The following PADI4 variants were observed in gnomAD, a reference collection of about 807,000 sequenced individuals.
PADI4 encodes the protein protein-arginine deiminase type-4.
PADI4 carries 62 observed loss-of-function variants against 75.0 expected under a neutral mutation model. That is an observed-to-expected ratio of 0.83 (90% CI 0.67 to 1.02). PADI4 has a LOEUF of 1.02. Among genes scored for constraint, PADI4 ranks in the 50% least tolerant of loss-of-function variants. The probability of loss-of-function intolerance (pLI) is 0.00; values close to 1 mark genes in which losing one functional copy is unlikely to be tolerated. For missense variants in PADI4, 845 were observed against 850.5 expected (o/e 0.99, Z 0.08); for synonymous variants, 361 against 348.1 (o/e 1.04, Z -0.41).
In PADI4 at chr1:17,359,400, C is replaced by G. The variant is rs369858758; in HGVS notation, c.1750C>G (p.Pro584Ala). 2.5e-6 allele frequency: 4 copies of G among 1,613,998 alleles called. No homozygotes were observed. In the South Asian group the frequency reaches 3.3e-5, roughly 13 times the overall value. ...GTTCTCTAAGGCGGAAGCTTTTTTC[C>G]CCAACATGGTGAGGAGGTGGCGGCT... is the stretch of plus-strand genomic sequence containing the variant. ...KEFSKAEAFFPNMVNMLVLGK... is the reference protein window; with the variant it reads ...KEFSKAEAFFANMVNMLVLGK... Residue 584 changes from proline to alanine, a missense_variant, in exon 15 of 16, where the codon CCC (proline) becomes GCC (alanine). Pro to Ala is a conservative substitution (Grantham distance 27). Coordinates refer to ENST00000375448, the MANE Select transcript of PADI4 (RefSeq NM_012387.3).
At chr1:17,319,717 G>A (rs2074001431) in intron 1 of PADI4, among the ~76,000 whole-genome samples, 1 of 152,128 alleles carries the variant, frequency 6.6e-6, no homozygotes, top group South Asian at 2.1e-4. Context: ...CAATATTTAC[G>A]GACAGAAAAA....
intron 1 of PADI4, among the ~76,000 whole-genome samples, chr1:17,323,752 A>G (rs11203358): frequency 0.33 from 49,501 of 151,896 alleles, 8,184 homozygotes; most frequent in South Asian, 0.41. Flanking sequence ...AGGCTAGCTT[A>G]AGCCCAGGAG....
At position 17,346,907 on chromosome 1, in the gene PADI4, C is replaced by T. The variant is rs1407214148; in HGVS notation, c.1047+768C>T. Among the ~76,000 whole-genome samples, 4 of 152,018 alleles carry T rather than the reference C, an allele frequency of 2.6e-5. No individual in the cohort carries two copies. On this transcript the variant is annotated intron_variant, in intron 9 of 15. Coordinates refer to ENST00000375448, the MANE Select transcript of PADI4 (RefSeq NM_012387.3). This position sits in a 1 kb window ranked among gnomAD's most constrained non-coding sequence, Gnocchi z 4.3. ...GGAATTCATCCCTCTTTCTTTTCAC[C>T]CCCACACAACATCCTTTCTTCCTTT...
intron 11 of PADI4, among the ~76,000 whole-genome samples, chr1:17,355,688 C>A (rs879262334): frequency 6.6e-5 from 10 of 152,184 alleles, no homozygotes; most frequent in Admixed American, 6.5e-4. Context: ...TGGCTCTAAG[C>A]CCCATGTGTA....
At chr1:17,341,284 A>G (rs2100739028) in intron 6 of PADI4, among the ~76,000 whole-genome samples, 1 of 152,214 alleles carries the variant, frequency 6.6e-6, no homozygotes, top group Admixed American at 6.5e-5. Context: ...TGTTTTTAGT[A>G]GAGATGGGCT....
intron 11 of PADI4, 30 bp downstream of exon 11, chr1:17,354,717 C>T: frequency 6.4e-7 from 1 of 1,564,884 alleles, no homozygotes; most frequent in Non-Finnish European, 8.7e-7. Context: ...GAAGGGGTGG[C>T]CAGGACCCAG....
intron 13 of PADI4, among the ~76,000 whole-genome samples, chr1:17,357,196 T>C (rs534955697): frequency 6.6e-6 from 1 of 152,308 alleles, no homozygotes; most frequent in African/African-American, 2.4e-5. Context: ...GAAACGAAGT[T>C]TTCCTCTATT....
intron 10 of PADI4, among the ~76,000 whole-genome samples, chr1:17,352,118 G>GCAA (rs1557577223): frequency 1.2e-4 from 13 of 110,826 alleles, no homozygotes; most frequent in Non-Finnish European, 1.8e-4. Flanking sequence ...AGAGACTGTG[G>GCAA]TCAGAGAGGT....
At chr1:17,360,873 G>A (rs1283701967) in intron 15 of PADI4, among the ~76,000 whole-genome samples, 2 of 137,428 alleles carry the variant, frequency 1.5e-5, no homozygotes, top group African/African-American at 2.7e-5. Context: ...ACCTTCTGGA[G>A]GCTGCACTTG....
intron 1 of PADI4, among the ~76,000 whole-genome samples, chr1:17,323,850 C>G (rs1570002897): frequency 1.9e-5 from 2 of 105,402 alleles, no homozygotes; most frequent in South Asian, 6.0e-4. Flanking sequence ...AAACAAACAA[C>G]AACAACAACA....
rs193032163 is a variant in PADI4 at position 17,332,333 on chromosome 1, G to A, written c.273+1184G>A. Among the ~76,000 whole-genome samples the A allele has an allele frequency of 1.9e-3, 282 of 152,176 alleles. 2 individuals carry two copies. Among genetic ancestry groups the A allele is most frequent in the African/African-American group, 5.7e-3 (237 of 41,524 alleles). On this transcript the variant is annotated intron_variant, in intron 2 of 15. Transcript: ENST00000375448. ...GCAATCTCGGCTCACTGCAACCTCC[G>A]CCTCCTGGGTTCAAACGATTCTCCT...
rs767259225 is a variant in PADI4 at position 17,342,093 on chromosome 1, C to T, written c.803C>T (p.Thr268Ile). Residue 268 changes from threonine to isoleucine, a missense_variant, in exon 7 of 16, where the codon ACC becomes ATC. By Grantham distance (89) the Thr-to-Ile change is moderately conservative. Transcript: ENST00000375448. The stretch of plus-strand genomic sequence containing the variant: ...GACTTCCCGGGGCTCATTACCCTCA[C>T]CATCTCCCTGCTGGACACGTCCAAC... ...DTDFPGLITLTISLLDTSNLE... is the reference protein window; with the variant it reads ...DTDFPGLITLIISLLDTSNLE... 6.2e-7 allele frequency: 1 copy of T among 1,614,108 alleles called. No individual in the cohort carries two copies. Among genetic ancestry groups the T allele is most frequent in the Admixed American group, 1.7e-5 (1 of 60,026 alleles).
rs540611256 is a variant in PADI4, at chr1:17,316,215, G to A, written c.92+7901G>A. 5.3e-5 allele frequency among the ~76,000 whole-genome samples: 8 copies of A among 151,864 alleles called. 1 individual carries two copies. The highest frequency in any genetic ancestry group is 1.9e-4 in the East Asian group (1 of 5,164). ...TTGAGACCAGCCTGGTCAACATGGC[G>A]AAACCCCGTCTCTACTAAAAATACA... On this transcript the variant is annotated intron_variant, in intron 1 of 15. Coordinates refer to ENST00000375448, the MANE Select transcript of PADI4 (RefSeq NM_012387.3).
intron 10 of PADI4, among the ~76,000 whole-genome samples, chr1:17,352,135 AGGCAGTAGG>A (rs2074665051): frequency 7.1e-6 from 1 of 141,338 alleles, no homozygotes; most frequent in Non-Finnish European, 1.6e-5. Flanking sequence ...AGGTGATGGG[AGGCAGTAGG>A]AGAGGCAATC....
chr1:17,349,081 T>C (rs1222184983), intron 10 of PADI4, among the ~76,000 whole-genome samples: 1 of 152,120 alleles, frequency 6.6e-6, no homozygotes, highest in Non-Finnish European at 1.5e-5. Context: ...CGCTGAGCAG[T>C]GGAGATGCAG....
At chr1:17,344,456 CCA>C (rs1379599295) in intron 8 of PADI4, among the ~76,000 whole-genome samples, 10 of 152,208 alleles carry the variant, frequency 6.6e-5, no homozygotes, top group African/African-American at 1.7e-4. Context: ...TAATGTTAAG[CCA>C]CAAGGCAATG....
chr1:17,309,363 A>G (rs2073737367), intron 1 of PADI4, among the ~76,000 whole-genome samples: 2 of 152,322 alleles, frequency 1.3e-5, no homozygotes, highest in South Asian at 4.1e-4. Context: ...AAAAAATAAT[A>G]TAATGCATGT....
intron 15 of PADI4, among the ~76,000 whole-genome samples, chr1:17,362,780 A>G (rs779616715): frequency 6.6e-6 from 1 of 152,200 alleles, no homozygotes; most frequent in Non-Finnish European, 1.5e-5. Flanking sequence ...ACAATTTTCC[A>G]CGTCTGGGTC....
intron 13 of PADI4, among the ~76,000 whole-genome samples, chr1:17,357,704 G>A (rs886780080): frequency 2.6e-5 from 4 of 151,980 alleles, no homozygotes; most frequent in Admixed American, 1.3e-4. Context: ...AGGACGAGGC[G>A]GGTGGATCAC....
Sources: allele counts gnomAD v4.1 joint callset (sites outside exome capture counted in the v4.1 genomes callset), GRCh38; gene constraint gnomAD v4.1.1; non-coding constraint Gnocchi (gnomAD v3.1); transcripts MANE v1.5; gene names NCBI Gene and HGNC (gene_info 2026-07-23, HGNC 2026-07-21).